Variants in GPC3 observed in about 807,000 individuals in gnomAD.
GPC3 encodes glypican 3, also known as glypican-3.
A neutral mutation model predicts 34.4 loss-of-function variants in GPC3; 3 were observed. The observed-to-expected ratio is 0.09, with a 90% confidence interval of 0.04 to 0.23. The LOEUF is 0.23. GPC3 is among the 10% of genes least tolerant of loss of function. The pLI, the probability that GPC3 is intolerant of heterozygous loss-of-function variation, is 1.00. For missense variants in GPC3, 351 were observed against 445.6 expected, an observed-to-expected ratio of 0.79 and a Z score of 1.91; for synonymous variants, 177 against 174.0, an observed-to-expected ratio of 1.02 and a Z score of -0.13.
intron 3 of GPC3, among the ~76,000 whole-genome samples, chrX:133,745,282 T>C (rs1378634955): frequency 8.9e-6 from 1 of 112,429 alleles, no homozygotes; most frequent in Non-Finnish European, 1.9e-5. Context: ...CCTGGCTTTC[T>C]GACCTTTCTG....
intron 2 of GPC3, among the ~76,000 whole-genome samples, chrX:133,859,378 G>A (rs941698692): frequency 9.0e-6 from 1 of 111,187 alleles, no homozygotes; most frequent in African/African-American, 3.3e-5. Context: ...CTGGAGTGAA[G>A]CAATTCCAGA....
chrX:133,919,666 T>TA (rs1050974370), intron 2 of GPC3, among the ~76,000 whole-genome samples: 12 of 108,586 alleles, frequency 1.1e-4, no homozygotes, highest in African/African-American at 2.7e-4. Flanking sequence ...TGTGAAAATT[T>TA]AAAAAAAATA....
chrX:133,680,676 C>T (rs1469095773), intron 5 of GPC3, among the ~76,000 whole-genome samples: 2 of 112,198 alleles, frequency 1.8e-5, no homozygotes. Flanking sequence ...TCTACAAAGG[C>T]TAACTCAAGG....
intron 3 of GPC3, among the ~76,000 whole-genome samples, chrX:133,739,837 G>A (rs915537582): frequency 2.5e-4 from 28 of 111,828 alleles, no homozygotes; most frequent in African/African-American, 8.5e-4. Flanking sequence ...GAGCCGAGAC[G>A]GCGCCACTGC....
chrX:133,720,403 GA>G (rs1190939131), intron 3 of GPC3, among the ~76,000 whole-genome samples: 1 of 111,546 alleles, frequency 9.0e-6, no homozygotes, highest in Non-Finnish European at 1.9e-5. Context: ...CTGTTCTCCT[GA>G]TAGTGAATAA....
chrX:133,819,743 A>G (rs2075709888), intron 2 of GPC3, among the ~76,000 whole-genome samples: 1 of 111,813 alleles, frequency 8.9e-6, no homozygotes, highest in Non-Finnish European at 1.9e-5. Flanking sequence ...CTGTAAATCA[A>G]TAGCAGGCTA....
chrX:133,773,037 G>A (rs2071939171), intron 2 of GPC3, among the ~76,000 whole-genome samples: 1 of 110,770 alleles, frequency 9.0e-6, no homozygotes, highest in African/African-American at 3.3e-5. Flanking sequence ...TAACAAAAAG[G>A]GGGTAGAAAA....
chrX:133,915,136 G>A (rs2076218559), intron 2 of GPC3, among the ~76,000 whole-genome samples: 4 of 108,438 alleles, frequency 3.7e-5, no homozygotes. Flanking sequence ...TTGATTAACA[G>A]TCACAACACC....
chrX:133,849,401 T>C (rs2075862437), intron 2 of GPC3, among the ~76,000 whole-genome samples: 1 of 111,815 alleles, frequency 8.9e-6, no homozygotes, highest in Non-Finnish European at 1.9e-5. Flanking sequence ...AACTCTGAAA[T>C]TCAAATACAA....
At chrX:133,946,069 A>G (rs1260315847) in intron 2 of GPC3, among the ~76,000 whole-genome samples, 1 of 112,098 alleles carries the variant, frequency 8.9e-6, no homozygotes, top group Non-Finnish European at 1.9e-5. Flanking sequence ...ACTTGAAGGT[A>G]GCCATGAGGT....
chrX:133,874,488 T>C (rs1225268313), intron 2 of GPC3, among the ~76,000 whole-genome samples: 1 of 112,070 alleles, frequency 8.9e-6, no homozygotes, highest in Non-Finnish European at 1.9e-5. Context: ...CCTTTGACCA[T>C]GATGATCCCT....
chrX:133,741,664 TTAAC>T (rs200603516), intron 3 of GPC3, among the ~76,000 whole-genome samples: 1,630 of 112,740 alleles, frequency 0.014, 26 homozygotes, highest in African/African-American at 0.05. Flanking sequence ...TCTCAGTTCT[TTAAC>T]TAGGAAAAAG....
At position 133,950,092 on chromosome X, in the gene GPC3, A is replaced by G. The variant is rs2076385693; in HGVS notation, c.337+2958T>C. 2.7e-5 allele frequency among the ~76,000 whole-genome samples: 3 copies of G among 112,390 alleles called. No homozygotes were observed. In the South Asian group the frequency reaches 1.1e-3, roughly 41 times the overall value. ...GAGAAGAAAAAGAAAAAGAGAAAGG[A>G]AAGTCTACTTTTAGTGGAGTTTTTC... On this transcript the variant is annotated intron_variant, in intron 2 of 7. Coordinates refer to ENST00000370818, the MANE Select transcript of GPC3 (RefSeq NM_004484.4).
intron 7 of GPC3, among the ~76,000 whole-genome samples, chrX:133,551,931 C>A (rs1453862709): frequency 8.9e-6 from 1 of 112,532 alleles, no homozygotes; most frequent in East Asian, 2.8e-4. Flanking sequence ...CATAGCCATG[C>A]CATTTTAGTT....
chrX:133,754,271 T>C, intron 2 of GPC3, 95 bp from the exon 3 acceptor site: 3 of 657,596 alleles, frequency 4.6e-6, no homozygotes, highest in South Asian at 2.6e-5. Flanking sequence ...TCTATTGCTG[T>C]GGTGATTAAG....
chrX:133,711,325 G>A (rs146555345), intron 3 of GPC3, among the ~76,000 whole-genome samples: 1,495 of 112,090 alleles, frequency 0.013, 26 homozygotes, highest in African/African-American at 0.045. Flanking sequence ...GGTGAAGTCT[G>A]AGATGATTAG....
At chrX:133,901,072 T>C (rs922349048) in intron 2 of GPC3, among the ~76,000 whole-genome samples, 2 of 112,171 alleles carry the variant, frequency 1.8e-5, no homozygotes, top group Non-Finnish European at 3.8e-5. Context: ...AAAAATAATG[T>C]TGTATTTCTG....
At chrX:133,704,369 C>A (rs1297129569) in intron 3 of GPC3, 5 of 366,258 alleles carry the variant, frequency 1.4e-5, no homozygotes, top group Non-Finnish European at 2.3e-5. Context: ...GCCTGAGGAA[C>A]CTGTAATAAA....
chrX:133,638,536 C>A (rs1351590790), intron 6 of GPC3, among the ~76,000 whole-genome samples: 1 of 111,825 alleles, frequency 8.9e-6, no homozygotes, highest in African/African-American at 3.3e-5. Context: ...CCTGCATCCA[C>A]TCTTGGCTGG....
Sources: gnomAD v4.1 joint callset for allele counts (sites outside exome capture counted in the v4.1 genomes callset) on GRCh38, gnomAD v4.1.1 for gene constraint, MANE v1.5 for transcripts, NCBI Gene and HGNC (gene_info 2026-07-23, HGNC 2026-07-21) for gene names.